The following DSCAML1 variants were observed in gnomAD, a reference collection of about 807,000 sequenced individuals.
DSCAML1 encodes DS cell adhesion molecule like 1, also known as cell adhesion molecule DSCAML1.
DSCAML1 carries 38 observed loss-of-function variants against 200.5 expected under a neutral mutation model. That is an observed-to-expected ratio of 0.19 (90% CI 0.15 to 0.25). The LOEUF is 0.25. DSCAML1 is among the 10% of genes least tolerant of loss of function. The probability of loss-of-function intolerance (pLI) is 1.00; values close to 1 mark genes in which losing one functional copy is unlikely to be tolerated. For missense variants in DSCAML1, 2,223 were observed against 2,858.8 expected (o/e 0.78, Z 5.07); for synonymous variants, 1,215 against 1,165.0 (o/e 1.04, Z -0.87).
chr11:117,575,686 C>T (rs1038563016), intron 3 of DSCAML1, among the ~76,000 whole-genome samples: 1 of 152,056 alleles, frequency 6.6e-6, no homozygotes, highest in Non-Finnish European at 1.5e-5. Flanking sequence ...AACCCAAAGG[C>T]TTGGGCAGGG....
chr11:117,620,725 AAG>A (rs1373722468), intron 3 of DSCAML1, among the ~76,000 whole-genome samples: 1 of 152,230 alleles, frequency 6.6e-6, no homozygotes, highest in African/African-American at 2.4e-5. Context: ...ACACAGGATG[AAG>A]AGTCTGTGTG....
In DSCAML1 at chr11:117,437,376, G is replaced by A. The variant is rs774105324; in HGVS notation, c.4466C>T (p.Thr1489Ile). ...CCGAGCATGCGTGGAGTTGATGTGG[G>A]TGAAGAGGTGTTGGTCTTTGCTGAA... The part of the protein sequence containing the change: ...PSFSKDQHLF[T>I]HINSTHARLN... Residue 1489 changes from threonine (T) to isoleucine (I), a missense_variant, in exon 26 of 33, where the codon ACC (threonine) becomes ATC (isoleucine). By Grantham distance (89) the Thr-to-Ile change is moderately conservative. Coordinates refer to ENST00000651296, the MANE Select transcript of DSCAML1 (RefSeq NM_020693.4). This position sits in a 1 kb window ranked among gnomAD's most constrained non-coding sequence, Gnocchi z 5.3. 3.7e-6 allele frequency: 6 copies of A among 1,614,076 alleles called. No individual in the cohort carries two copies. The Admixed American group carries it at 1.0e-4, about 27-fold the overall frequency.
At chr11:117,429,690 A>G (rs1344287726) in intron 32 of DSCAML1, among the ~76,000 whole-genome samples, 3 of 152,050 alleles carry the variant, frequency 2.0e-5, no homozygotes, top group Admixed American at 2.0e-4. Flanking sequence ...CTTATTTCTT[A>G]AACTGCCTCC....
chr11:117,525,052 A>T lies in DSCAML1; in HGVS notation c.690T>A (p.Asp230Glu). The change falls in exon 5 of 33, where the codon GAT becomes GAA. Residue 230 changes from aspartate (D) to glutamate (E), a missense_variant. Asp to Glu is a conservative substitution (Grantham distance 45, BLOSUM62 2). Coordinates refer to ENST00000651296, the MANE Select transcript of DSCAML1 (RefSeq NM_020693.4). ...DPAESIPTIL[D>E]GFHSQEVWAG... ...CCCACACTTCCTGGGAGTGGAAGCC[A>T]TCCAGGATGGTGGGGATCGACTCAG... 6.3e-7 allele frequency: 1 copy of T among 1,586,560 alleles called. No homozygotes were observed. The highest frequency in any genetic ancestry group is 8.6e-7 in the Non-Finnish European group (1 of 1,168,412).
At chr11:117,667,847 A>G (rs2053011445) in intron 3 of DSCAML1, among the ~76,000 whole-genome samples, 1 of 152,208 alleles carries the variant, frequency 6.6e-6, no homozygotes, top group South Asian at 2.1e-4. Flanking sequence ...GCCACCCTGT[A>G]TCCGAACACA....
At chr11:117,539,042 A>G (rs941950204) in intron 3 of DSCAML1, among the ~76,000 whole-genome samples, 1 of 152,162 alleles carries the variant, frequency 6.6e-6, no homozygotes, top group African/African-American at 2.4e-5. Flanking sequence ...CCTCCAGTGC[A>G]TTCCCATCTC....
intron 3 of DSCAML1, among the ~76,000 whole-genome samples, chr11:117,759,227 C>G (rs765920070): frequency 1.3e-5 from 2 of 152,166 alleles, no homozygotes; most frequent in Non-Finnish European, 2.9e-5. Context: ...TTCCAAGGCC[C>G]CCTATAGCCC....
chr11:117,709,288 G>C (rs2053803012), intron 3 of DSCAML1, among the ~76,000 whole-genome samples: 2 of 152,202 alleles, frequency 1.3e-5, no homozygotes, highest in African/African-American at 4.8e-5. Context: ...CAAGTCTAAG[G>C]TCAAGGTGCC....
Position 117,428,134 on chromosome 11 carries a change from C to T in DSCAML1, c.*194G>A. On this transcript the variant is annotated 3_prime_UTR_variant, in exon 33 of 33. Coordinates refer to ENST00000651296, the MANE Select transcript of DSCAML1 (RefSeq NM_020693.4). ...TGTCAAATTCTTTGTGCCCTGGCTT[C>T]ATGGAGAAGAAGAAAATAGTTTCAT... is the stretch of plus-strand genomic sequence containing the variant. 1.9e-6 allele frequency: 1 copy of T among 520,086 alleles called. No homozygotes were observed. The highest frequency in any genetic ancestry group is 3.4e-6 in the Non-Finnish European group (1 of 295,514). 32.2% of individuals were successfully genotyped at this position (520,086 alleles called of 1,614,324 possible).
intron 3 of DSCAML1, among the ~76,000 whole-genome samples, chr11:117,710,748 T>C (rs1424524269): frequency 1.3e-5 from 2 of 152,200 alleles, no homozygotes; most frequent in Admixed American, 1.3e-4. Context: ...GAATGGTAGC[T>C]GTTAGGCAAT....
chr11:117,458,882 G>A lies in DSCAML1; in HGVS notation c.3440C>T (p.Thr1147Ile). Reference protein sequence around the residue: ...GEWGEMQNITTTRERVELRGM... With the variant: ...GEWGEMQNITITRERVELRGM... ...CCGCAGCTCCACCCGCTCCCGCGTG[G>A]TGGTGATGTTCTGCATCTCGCCCCA... The change falls in exon 19 of 33, where the codon ACC becomes ATC. Residue 1147 changes from threonine to isoleucine, a missense_variant. By Grantham distance (89) the Thr-to-Ile change is moderately conservative. Coordinates refer to ENST00000651296, the MANE Select transcript of DSCAML1 (RefSeq NM_020693.4). The A allele has an allele frequency of 6.2e-7, 1 of 1,613,980 alleles. No individual in the cohort carries two copies. The highest frequency in any genetic ancestry group is 8.5e-7 in the Non-Finnish European group (1 of 1,180,004).
intron 3 of DSCAML1, among the ~76,000 whole-genome samples, chr11:117,733,591 G>A (rs1340975505): frequency 6.6e-6 from 1 of 152,240 alleles, no homozygotes; most frequent in African/African-American, 2.4e-5. Flanking sequence ...CCTCGACACG[G>A]CAAGGAAGGA....
At chr11:117,666,694 C>T (rs1363512395) in intron 3 of DSCAML1, among the ~76,000 whole-genome samples, 4 of 152,166 alleles carry the variant, frequency 2.6e-5, no homozygotes, top group African/African-American at 7.2e-5. Context: ...GGGCTGGCCC[C>T]GGCAGGAGTG....
intron 3 of DSCAML1, among the ~76,000 whole-genome samples, chr11:117,556,419 G>C (rs558731145): frequency 6.6e-6 from 1 of 152,274 alleles, no homozygotes; most frequent in Admixed American, 6.5e-5. Context: ...GATGAACTAG[G>C]TTATATTTAC....
rs2049759045 is a variant in DSCAML1 at position 117,516,044 on chromosome 11, T to C, written c.1783+423A>G. 6.6e-6 allele frequency among the ~76,000 whole-genome samples: 1 copy of C among 151,914 alleles called. No individual in the cohort carries two copies. Among genetic ancestry groups the C allele is most frequent in the East Asian group, 1.9e-4 (1 of 5,174 alleles). ...TGTGTATCCCACAGGGGGTCAGGGC[T>C]CCCAGCGTGCTCTGTCAACCCTGGC... On this transcript the variant is annotated intron_variant, in intron 8 of 32. Transcript: ENST00000651296. This position sits in a 1 kb window ranked among gnomAD's most constrained non-coding sequence, Gnocchi z 5.7.
chr11:117,630,185 C>A (rs1411173183), intron 3 of DSCAML1, among the ~76,000 whole-genome samples: 2 of 150,484 alleles, frequency 1.3e-5, no homozygotes, highest in Non-Finnish European at 3.0e-5. Context: ...ATCTCCCATT[C>A]CAGTGCCCCT....
intron 3 of DSCAML1, among the ~76,000 whole-genome samples, chr11:117,729,387 A>T (rs1337871961): frequency 6.6e-6 from 1 of 152,250 alleles, no homozygotes; most frequent in Non-Finnish European, 1.5e-5. Flanking sequence ...ATATGATACC[A>T]AAGCACAAGC....
chr11:117,515,442 G>A (rs997949417), intron 8 of DSCAML1, among the ~76,000 whole-genome samples: 4 of 152,008 alleles, frequency 2.6e-5, no homozygotes, highest in African/African-American at 7.3e-5. Context: ...GAAGACCTTC[G>A]CAGCCCCAGA....
At chr11:117,631,781 G>C (rs898738587) in intron 3 of DSCAML1, among the ~76,000 whole-genome samples, 13 of 151,834 alleles carry the variant, frequency 8.6e-5, no homozygotes, top group Non-Finnish European at 1.8e-4. Flanking sequence ...TACTTTCGAG[G>C]CTTCTTCCTG....
Sources: gnomAD v4.1 joint callset for allele counts (sites outside exome capture counted in the v4.1 genomes callset) on GRCh38, gnomAD v4.1.1 for gene constraint, Gnocchi (gnomAD v3.1) non-coding constraint, MANE v1.5 for transcripts, NCBI Gene and HGNC (gene_info 2026-07-23, HGNC 2026-07-21) for gene names.